DIAPH2: variants seen among roughly 807,000 people sequenced by gnomAD.
The protein encoded by DIAPH2 is diaphanous related formin 2, also known as protein diaphanous homolog 2.
A neutral mutation model predicts 92.7 loss-of-function variants in DIAPH2; 35 were observed. The observed-to-expected ratio is 0.38, with a 90% CI of 0.29 to 0.50. DIAPH2 has a LOEUF of 0.50. Among genes scored for constraint, DIAPH2 ranks in the 20% least tolerant of loss-of-function variants. The probability of loss-of-function intolerance (pLI) is 0.94; values close to 1 mark genes in which losing one functional copy is unlikely to be tolerated. For synonymous variants in DIAPH2, 301 were observed against 280.4 expected, an observed-to-expected ratio of 1.07 and a Z score of -0.73; for missense variants, 701 against 819.5, an observed-to-expected ratio of 0.86 and a Z score of 1.77.
chrX:97,563,858 T>C (rs1602670924), intron 26 of DIAPH2, among the ~76,000 whole-genome samples: 1 of 108,423 alleles, frequency 9.2e-6, no homozygotes, highest in South Asian at 4.0e-4. Context: ...CTCAGGAAGG[T>C]GTTGTAATCA....
chrX:96,954,379 G>A (rs573156279), intron 15 of DIAPH2, among the ~76,000 whole-genome samples: 159 of 112,301 alleles, frequency 1.4e-3, no homozygotes, highest in African/African-American at 4.9e-3. Context: ...TAAGGAAATG[G>A]ATATAGATTA....
chrX:97,555,364 T>C (rs2071250195), intron 26 of DIAPH2: 1 of 579,466 alleles, frequency 1.7e-6, no homozygotes, highest in East Asian at 1.7e-4. Context: ...AGATGTTATA[T>C]GGCAGCCTTT....
At chrX:96,878,127 A>G (rs1827129809) in intron 4 of DIAPH2, among the ~76,000 whole-genome samples, 1 of 111,989 alleles carries the variant, frequency 8.9e-6, no homozygotes, top group Admixed American at 9.5e-5. Flanking sequence ...GTATTATGAG[A>G]ATTAATGTAT....
chrX:97,599,230 T>C, intron 26 of DIAPH2, 23 bp from the exon 27 acceptor site: 1 of 1,153,174 alleles, frequency 8.7e-7, no homozygotes, highest in Non-Finnish European at 1.2e-6. Context: ...ATGCTTTTGG[T>C]CCTTTTTCTG....
intron 22 of DIAPH2, among the ~76,000 whole-genome samples, chrX:97,163,086 T>C (rs1384464873): frequency 9.0e-6 from 1 of 111,563 alleles, no homozygotes; most frequent in Non-Finnish European, 1.9e-5. Flanking sequence ...GTTGTAGAGG[T>C]ACCATATGGG....
chrX:97,111,014 T>C (rs1270045189), intron 20 of DIAPH2, among the ~76,000 whole-genome samples: 1 of 110,541 alleles, frequency 9.0e-6, no homozygotes, highest in Non-Finnish European at 1.9e-5. Flanking sequence ...AAAGATGCCC[T>C]ATTTGATGTC....
intron 26 of DIAPH2, among the ~76,000 whole-genome samples, chrX:97,573,643 T>C (rs776360632): frequency 1.7e-3 from 188 of 109,100 alleles, no homozygotes; most frequent in African/African-American, 6.2e-3. Context: ...GCATGTTTTT[T>C]TGGGGTTTTT....
At chrX:97,216,214 A>G (rs1254213245) in intron 22 of DIAPH2, among the ~76,000 whole-genome samples, 1 of 112,454 alleles carries the variant, frequency 8.9e-6, no homozygotes, top group Non-Finnish European at 1.9e-5. Context: ...TTTTAAAATG[A>G]TGGTGACTGT....
At chrX:96,761,457 A>T (rs2064268208) in intron 4 of DIAPH2, among the ~76,000 whole-genome samples, 1 of 109,812 alleles carries the variant, frequency 9.1e-6, no homozygotes, top group African/African-American at 3.3e-5. Flanking sequence ...CAGTATATCT[A>T]TATGTGTATG....
chrX:97,427,325 C>T (rs2070077543), intron 25 of DIAPH2, among the ~76,000 whole-genome samples: 1 of 111,740 alleles, frequency 8.9e-6, no homozygotes, highest in Admixed American at 9.5e-5. Context: ...AGCCCCATAT[C>T]ATAGAATTTT....
At chrX:97,532,018 AG>A (rs1383044313) in intron 26 of DIAPH2, among the ~76,000 whole-genome samples, 2 of 112,502 alleles carry the variant, frequency 1.8e-5, no homozygotes, top group Non-Finnish European at 3.8e-5. Context: ...CTGAGAAAAA[AG>A]CCTGTTCAGC....
intron 26 of DIAPH2, among the ~76,000 whole-genome samples, chrX:97,488,827 C>T (rs777502104): frequency 1.3e-4 from 14 of 111,629 alleles, no homozygotes; most frequent in African/African-American, 4.2e-4. Context: ...TTATGTCAGT[C>T]CCATATTTTT....
At chrX:97,231,279 G>T (rs1299369273) in intron 22 of DIAPH2, among the ~76,000 whole-genome samples, 1 of 102,790 alleles carries the variant, frequency 9.7e-6, no homozygotes, top group Non-Finnish European at 2.0e-5. Context: ...CTCTTGAAAG[G>T]GTTCTTATTG....
chrX:97,185,403 A>ATGTG (rs2067582154), intron 22 of DIAPH2, among the ~76,000 whole-genome samples: 5 of 62,229 alleles, frequency 8.0e-5, no homozygotes, highest in African/African-American at 4.2e-4. Flanking sequence ...GTGTATATAT[A>ATGTG]TATATATGTA....
chrX:96,785,438 G>A (rs1365163184), intron 4 of DIAPH2, among the ~76,000 whole-genome samples: 12 of 107,316 alleles, frequency 1.1e-4, no homozygotes, highest in African/African-American at 4.1e-4. Flanking sequence ...ATGGTGAAAG[G>A]TGGAAGGGTA....
intron 17 of DIAPH2, among the ~76,000 whole-genome samples, chrX:97,038,325 A>T (rs1354458044): frequency 9.0e-6 from 1 of 111,562 alleles, no homozygotes; most frequent in Admixed American, 9.5e-5. Context: ...TGATAATCAT[A>T]CAAGTGCAGG....
rs183486911 is a variant in DIAPH2, at chrX:96,867,241, C to G, written c.448-14338C>G. On this transcript the variant is annotated intron_variant, in intron 4 of 26. Coordinates refer to ENST00000324765, the MANE Select transcript of DIAPH2 (RefSeq NM_006729.5). Reference sequence around the variant, plus strand: ...TTTGTTTTGTTTTGTTTTTTTTAGACGGAGTCTTGCTCTGTTGCCCAGGCT... The same window carrying G: ...TTTGTTTTGTTTTGTTTTTTTTAGAGGGAGTCTTGCTCTGTTGCCCAGGCT... Among the ~76,000 whole-genome samples the G allele has an allele frequency of 9.1e-3, 1,008 of 111,093 alleles. 7 individuals are homozygous for G. Among genetic ancestry groups the G allele is most frequent in the Middle Eastern group, 0.023 (5 of 217 alleles).
chrX:97,073,913 ACTTTT>A (rs1228299374), intron 18 of DIAPH2, among the ~76,000 whole-genome samples: 5 of 112,020 alleles, frequency 4.5e-5, no homozygotes, highest in Admixed American at 2.8e-4. Context: ...GACGTTCAGT[ACTTTT>A]CTTTAAAACA....
At chrX:96,781,854 C>T (rs1392385110) in intron 4 of DIAPH2, among the ~76,000 whole-genome samples, 1 of 110,401 alleles carries the variant, frequency 9.1e-6, no homozygotes, top group Non-Finnish European at 1.9e-5. Context: ...AAATAGTACA[C>T]CAGATAACTG....
Sources: allele counts gnomAD v4.1 joint callset (sites outside exome capture counted in the v4.1 genomes callset), GRCh38; gene constraint gnomAD v4.1.1; transcripts MANE v1.5; gene names NCBI Gene and HGNC (gene_info 2026-07-23, HGNC 2026-07-21).